CDON: variants seen among roughly 807,000 people sequenced by gnomAD.
CDON encodes cell adhesion associated, oncogene regulated.
CDON carries 73 observed loss-of-function variants against 120.9 expected under a neutral mutation model. The observed-to-expected ratio is 0.60, with a 90% CI of 0.50 to 0.73. The LOEUF is 0.73. CDON is among the 30% of genes least tolerant of loss of function. CDON has a pLI of 0.00. For synonymous variants in CDON, 566 were observed against 573.5 expected, an observed-to-expected ratio of 0.99 and a Z score of 0.19; for missense variants, 1,470 against 1,587.3, an observed-to-expected ratio of 0.93 and a Z score of 1.26.
At chr11:126,061,974 G>C (rs1948808372) in intron 1 of CDON, among the ~76,000 whole-genome samples, 1 of 152,208 alleles carries the variant, frequency 6.6e-6, no homozygotes. Flanking sequence ...GATGTGGAGA[G>C]AAAGCAACAA....
At chr11:125,980,915 A>G in intron 17 of CDON, 134 bp downstream of exon 17, 1 of 825,454 alleles carries the variant, frequency 1.2e-6, no homozygotes, top group Non-Finnish European at 2.0e-6. Context: ...AAGGGCTGCC[A>G]GTGATCCATG....
intron 4 of CDON, among the ~76,000 whole-genome samples, chr11:126,018,859 C>T (rs774115733): frequency 1.3e-5 from 2 of 152,136 alleles, no homozygotes; most frequent in Non-Finnish European, 1.5e-5. Context: ...CGTGAGCCAC[C>T]GGCCAGCCTG....
At chr11:125,964,089 C>T (rs2134349831) in intron 18 of CDON, among the ~76,000 whole-genome samples, 1 of 152,296 alleles carries the variant, frequency 6.6e-6, no homozygotes, top group East Asian at 1.9e-4. Flanking sequence ...GTCTTCCTTT[C>T]CTGCATTTTG....
At chr11:126,038,194 G>A (rs2134808766) in intron 1 of CDON, among the ~76,000 whole-genome samples, 1 of 152,242 alleles carries the variant, frequency 6.6e-6, no homozygotes, top group Non-Finnish European at 1.5e-5. Context: ...TTACATTCAG[G>A]TAAAGAATTT....
chr11:125,978,756 T>C (rs908287586), intron 17 of CDON, among the ~76,000 whole-genome samples: 2 of 152,218 alleles, frequency 1.3e-5, no homozygotes, highest in Non-Finnish European at 2.9e-5. Flanking sequence ...TTCTTGGCAG[T>C]CAGGGAAGAA....
At chr11:125,962,782 G>A (rs772039020) in intron 18 of CDON, among the ~76,000 whole-genome samples, 1 of 152,024 alleles carries the variant, frequency 6.6e-6, no homozygotes, top group Non-Finnish European at 1.5e-5. Flanking sequence ...TTTAGCTCTG[G>A]AATTTCCATT....
chr11:126,026,868 C>T (rs1360183864), intron 1 of CDON, among the ~76,000 whole-genome samples: 2 of 152,166 alleles, frequency 1.3e-5, no homozygotes, highest in Non-Finnish European at 2.9e-5. Flanking sequence ...AGAATGAGGA[C>T]AAGAAGGATT....
chr11:126,019,590 T>C, intron 4 of CDON, 29 bp downstream of exon 4: 1 of 1,613,372 alleles, frequency 6.2e-7, no homozygotes, highest in Non-Finnish European at 8.5e-7. Flanking sequence ...GTTCTGTGTG[T>C]GCCACCGGCT....
intron 1 of CDON, among the ~76,000 whole-genome samples, chr11:126,052,222 C>T (rs1236169779): frequency 6.6e-6 from 1 of 152,052 alleles, no homozygotes; most frequent in Non-Finnish European, 1.5e-5. Flanking sequence ...GGAACCCAAC[C>T]AAAATATAAA....
chr11:126,060,068 T>A (rs1948761047), intron 1 of CDON, among the ~76,000 whole-genome samples: 1 of 152,204 alleles, frequency 6.6e-6, no homozygotes, highest in Admixed American at 6.5e-5. Context: ...CCTGTGCTGT[T>A]GAAAGTGAGT....
intron 15 of CDON, 112 bp from the exon 16 acceptor site, chr11:125,984,205 G>A: frequency 2.6e-6 from 2 of 768,624 alleles, no homozygotes; most frequent in South Asian, 3.0e-5. Context: ...GTTTACTCTT[G>A]TTACTGAGAT....
chr11:126,036,500 C>T (rs1422951957), intron 1 of CDON, among the ~76,000 whole-genome samples: 1 of 152,002 alleles, frequency 6.6e-6, no homozygotes, highest in Non-Finnish European at 1.5e-5. Flanking sequence ...GTTCTTAAGG[C>T]TTTTGTATTA....
chr11:125,967,575 T>C (rs1945841849), intron 18 of CDON, among the ~76,000 whole-genome samples: 1 of 152,196 alleles, frequency 6.6e-6, no homozygotes, highest in Admixed American at 6.5e-5. Context: ...AGTGATGGCC[T>C]AAAATACACT....
intron 1 of CDON, among the ~76,000 whole-genome samples, chr11:126,043,510 T>C (rs999660407): frequency 6.6e-6 from 1 of 152,118 alleles, no homozygotes; most frequent in African/African-American, 2.4e-5. Flanking sequence ...CCTGGACAAC[T>C]TGCAGTCAGG....
rs200614048 is a variant in CDON at position 126,015,370 on chromosome 11, G to T, written c.1069C>A (p.Arg357=). 4.5e-5 allele frequency: 73 copies of T among 1,614,074 alleles called. No individual in the cohort carries two copies. In the East Asian group the frequency reaches 1.5e-3, roughly 33 times the overall value. Residue 357 remains arginine, a synonymous_variant, in exon 7 of 20, where the codon CGA becomes AGA. Coordinates refer to ENST00000531738, the MANE Select transcript of CDON (RefSeq NM_001378964.1). ...AGTCCGTTTCCTGCAGTTAGATGTC[G>T]TGCAGAAGGATGAATAGGCTGTGCA... ...HNAQPIHPSA[R]HLTAGNGLKI... is the part of the protein sequence containing the mutation.
intron 1 of CDON, among the ~76,000 whole-genome samples, chr11:126,042,911 C>A (rs1465240992): frequency 6.6e-6 from 1 of 152,202 alleles, no homozygotes; most frequent in African/African-American, 2.4e-5. Context: ...GCGTGAGCCA[C>A]CTCGCCTGGC....
intron 1 of CDON, among the ~76,000 whole-genome samples, chr11:126,033,206 A>G (rs1453856895): frequency 1.3e-5 from 2 of 152,124 alleles, no homozygotes; most frequent in Admixed American, 6.6e-5. Flanking sequence ...CTGAGATGGG[A>G]GCAGCAGGGT....
At chr11:126,001,921 G>A in intron 10 of CDON, 71 bp from the exon 11 acceptor site, 1 of 1,139,876 alleles carries the variant, frequency 8.8e-7, no homozygotes, top group Non-Finnish European at 1.3e-6. Context: ...AAAGAGTACT[G>A]TGAAACTTAC....
intron 1 of CDON, among the ~76,000 whole-genome samples, chr11:126,051,708 T>C (rs956139092): frequency 1.3e-5 from 2 of 149,480 alleles, no homozygotes; most frequent in South Asian, 2.1e-4. Context: ...AGTGCAATGG[T>C]GCAATCTTGG....
Sources: allele counts gnomAD v4.1 joint callset (sites outside exome capture counted in the v4.1 genomes callset), GRCh38; gene constraint gnomAD v4.1.1; transcripts MANE v1.5; gene names NCBI Gene and HGNC (gene_info 2026-07-23, HGNC 2026-07-21).